The following ARHGAP32 variants were observed in gnomAD, a reference collection of about 807,000 sequenced individuals.
ARHGAP32 encodes Rho GTPase activating protein 32, also known as rho GTPase-activating protein 32.
Under a neutral mutation model 186.5 loss-of-function variants are expected in ARHGAP32, and 51 were observed. The observed-to-expected ratio is 0.27, with a 90% CI of 0.22 to 0.35. ARHGAP32 has a LOEUF of 0.35. Ranked by LOEUF, ARHGAP32 falls within the 10% of genes least tolerant of loss-of-function variation. The pLI, the probability that ARHGAP32 is intolerant of heterozygous loss-of-function variation, is 1.00. For missense variants in ARHGAP32, 2,186 were observed against 2,623.5 expected (o/e 0.83, Z 3.64); for synonymous variants, 950 against 964.3 (o/e 0.99, Z 0.27).
chr11:129,110,121 T>C (rs1170179162), intron 5 of ARHGAP32, among the ~76,000 whole-genome samples: 2 of 152,156 alleles, frequency 1.3e-5, no homozygotes, highest in Non-Finnish European at 1.5e-5. Context: ...TTGTTTTATA[T>C]GATGAGAGAT....
chr11:129,255,108 T>C (rs956166963), intron 1 of ARHGAP32, among the ~76,000 whole-genome samples: 1 of 152,130 alleles, frequency 6.6e-6, no homozygotes, highest in Admixed American at 6.6e-5. Context: ...AGAATAAAGC[T>C]GGATACATTA....
chr11:129,157,458 T>A (rs1943433416), intron 2 of ARHGAP32, among the ~76,000 whole-genome samples: 1 of 151,436 alleles, frequency 6.6e-6, no homozygotes, highest in South Asian at 2.1e-4. Context: ...GCCAAATTGA[T>A]CAAGCAGAAG....
chr11:129,004,641 T>C (rs895843119), intron 11 of ARHGAP32, among the ~76,000 whole-genome samples: 7 of 152,168 alleles, frequency 4.6e-5, no homozygotes, highest in Non-Finnish European at 7.4e-5. Context: ...TCTCTTCTTA[T>C]AGTTTTTGTC....
intron 10 of ARHGAP32, among the ~76,000 whole-genome samples, chr11:129,061,071 A>G (rs941936725): frequency 6.6e-6 from 1 of 152,150 alleles, no homozygotes. Context: ...AATAAAAAAT[A>G]TATTTTATAA....
At chr11:129,228,990 G>A (rs1944822142) in intron 1 of ARHGAP32, among the ~76,000 whole-genome samples, 1 of 152,194 alleles carries the variant, frequency 6.6e-6, no homozygotes, top group Admixed American at 6.5e-5. Context: ...ACATAAGGTT[G>A]TGAGTTATTA....
intron 10 of ARHGAP32, among the ~76,000 whole-genome samples, chr11:129,056,051 G>C (rs1940241209): frequency 1.3e-5 from 2 of 152,100 alleles, no homozygotes; most frequent in Non-Finnish European, 2.9e-5. Flanking sequence ...GTGCTCCTTA[G>C]ACCACTCTTC....
rs371255312 is a variant in ARHGAP32 at position 129,066,828 on chromosome 11, C to T, written c.572G>A (p.Arg191Gln). ...WIVKRSYEDFRVLDKHLHLCI... is the reference protein window; with the variant it reads ...WIVKRSYEDFQVLDKHLHLCI... ...CAGATGAAGATGTTTATCAAGTACC[C>T]GAAAATCTTCATAACTTCTTTTAAC... is the stretch of plus-strand genomic sequence containing the variant. Residue 191 changes from arginine to glutamine, a missense_variant, in exon 7 of 23, where the codon CGG becomes CAG. Around this residue, in one of 5 missense-constraint regions of ARHGAP32, gnomAD observed 308 missense variants for 596.5 expected, o/e 0.52. Coordinates refer to ENST00000682385, the MANE Select transcript of ARHGAP32 (RefSeq NM_001378024.1). 2.4e-5 allele frequency: 39 copies of T among 1,610,658 alleles called. No individual in the cohort carries two copies. The East Asian group carries it at 4.0e-4, about 17-fold the overall frequency.
intron 1 of ARHGAP32, among the ~76,000 whole-genome samples, chr11:129,187,916 T>C (rs961174445): frequency 4.0e-5 from 6 of 151,706 alleles, no homozygotes; most frequent in African/African-American, 1.5e-4. Flanking sequence ...GTTAATTGGG[T>C]TTTTTTGTTT....
chr11:129,206,588 C>T (rs939331595), intron 1 of ARHGAP32, among the ~76,000 whole-genome samples: 1 of 152,022 alleles, frequency 6.6e-6, no homozygotes, highest in Non-Finnish European at 1.5e-5. Flanking sequence ...GTAAATAAGT[C>T]TCTTAAGTCT....
At position 128,969,038 on chromosome 11, in the gene ARHGAP32, T is replaced by A; in HGVS notation, c.6175A>T (p.Met2059Leu). The stretch of plus-strand genomic sequence containing the variant: ...AAGCCAGGGGGCACATACGTCCCCA[T>A]GCCGCCCCCTCCAAAGACTCCTCGC... ...HQRGVFGGGG[M>L]GTYVPPGFPH... is the part of the protein sequence containing the mutation. The change falls in exon 23 of 23, where the codon ATG becomes TTG. Residue 2059 changes from methionine to leucine, a missense_variant. Met to Leu is a conservative substitution (Grantham distance 15). Transcript: ENST00000682385. This position sits in a 1 kb window ranked among gnomAD's most constrained non-coding sequence, Gnocchi z 4.8. 1 of 1,612,396 alleles carries A rather than the reference T, an allele frequency of 6.2e-7. No homozygotes were observed. Among genetic ancestry groups the A allele is most frequent in the African/African-American group, 1.3e-5 (1 of 75,030 alleles).
intron 1 of ARHGAP32, among the ~76,000 whole-genome samples, chr11:129,225,747 C>T (rs1440397406): frequency 6.6e-6 from 1 of 152,028 alleles, no homozygotes; most frequent in Admixed American, 6.6e-5. Flanking sequence ...ATGGCCTATA[C>T]ATAGAGGGAA....
At chr11:128,972,293 G>T in intron 22 of ARHGAP32, 160 bp downstream of exon 22, 1 of 709,720 alleles carries the variant, frequency 1.4e-6, no homozygotes, top group Non-Finnish European at 2.1e-6. Context: ...CAAGGTAATG[G>T]CAGACTCCAA....
At chr11:129,018,418 TTTACAG>T (rs1257993677) in intron 11 of ARHGAP32, among the ~76,000 whole-genome samples, 1 of 152,212 alleles carries the variant, frequency 6.6e-6, no homozygotes, top group African/African-American at 2.4e-5. Context: ...ATGACATCGA[TTTACAG>T]TTAGAGTCTT....
chr11:129,268,664 CAAAAAAAAAAAAAAAAAA>C (rs58858606), intron 1 of ARHGAP32, among the ~76,000 whole-genome samples: 539 of 46,438 alleles, frequency 0.012, 11 homozygotes, highest in African/African-American at 0.045. Flanking sequence ...GCCTCCTCAC[CAAAAAAAAAAAAAAAAAA>C]AAAAAAAAAA....
At position 129,088,594 on chromosome 11, in the gene ARHGAP32, C is replaced by A. The variant is rs573082100; in HGVS notation, c.531+5027G>T. Among the ~76,000 whole-genome samples, 594 of 152,090 alleles carry A rather than the reference C, an allele frequency of 3.9e-3. 2 individuals are homozygous for A. The highest frequency in any genetic ancestry group is 0.014 in the African/African-American group (568 of 41,536). ...ACTCCTTCTCAATCAATCAATCAATCAATAAAATAGAGCCTTGATCAACCA... is the reference window on the plus strand; with the variant it reads ...ACTCCTTCTCAATCAATCAATCAATAAATAAAATAGAGCCTTGATCAACCA... On this transcript the variant is annotated intron_variant, in intron 6 of 22. Transcript: ENST00000682385.
chr11:129,270,500 T>C (rs944334174), intron 1 of ARHGAP32, among the ~76,000 whole-genome samples: 2 of 152,044 alleles, frequency 1.3e-5, no homozygotes, highest in Non-Finnish European at 2.9e-5. Context: ...TCAGTCTTTT[T>C]TTTTTTTCTC....
chr11:129,094,451 C>T (rs1349675212), intron 5 of ARHGAP32, among the ~76,000 whole-genome samples: 2 of 152,090 alleles, frequency 1.3e-5, no homozygotes, highest in African/African-American at 2.4e-5. Flanking sequence ...AACCAGCTAC[C>T]GACATGTAGA....
chr11:129,171,146 T>C (rs1032396584), intron 1 of ARHGAP32, among the ~76,000 whole-genome samples: 2 of 152,258 alleles, frequency 1.3e-5, no homozygotes, highest in African/African-American at 4.8e-5. Flanking sequence ...GATAAGTTTC[T>C]TTGGCTGTGG....
chr11:129,116,369 C>A (rs1411859327), intron 5 of ARHGAP32, among the ~76,000 whole-genome samples: 2 of 152,024 alleles, frequency 1.3e-5, no homozygotes, highest in African/African-American at 4.8e-5. Flanking sequence ...CAGTGAAAAT[C>A]CAGTACTTAG....
Sources: gnomAD v4.1 joint callset for allele counts (sites outside exome capture counted in the v4.1 genomes callset) on GRCh38, gnomAD v4.1.1 for gene constraint, gnomAD v4.1.1 regional missense constraint, Gnocchi (gnomAD v3.1) non-coding constraint, MANE v1.5 for transcripts, NCBI Gene and HGNC (gene_info 2026-07-23, HGNC 2026-07-21) for gene names.